The following CXorf66 variants were observed in gnomAD, a reference collection of about 807,000 sequenced individuals.
CXorf66 encodes the protein uncharacterized protein CXorf66.
CXorf66 carries 6 observed loss-of-function variants against 5.0 expected under a neutral mutation model. The ratio of observed to expected loss-of-function variants is 1.20; its 90% CI spans 0.65 to 2.36. The LOEUF (loss-of-function observed/expected upper bound fraction) is 2.36. Among genes scored for constraint, CXorf66 ranks in the 30% most tolerant of loss-of-function variants. The pLI, the probability that CXorf66 is intolerant of heterozygous loss-of-function variation, is 0.00. For missense variants in CXorf66, 270 were observed against 254.9 expected (o/e 1.06, Z -0.40); for synonymous variants, 98 against 102.8 (o/e 0.95, Z 0.28).
chrX:139,960,094 T>C (rs1298365905), intron 1 of CXorf66, among the ~76,000 whole-genome samples: 3 of 110,509 alleles, frequency 2.7e-5, no homozygotes, highest in African/African-American at 9.9e-5. Context: ...TTGACAGAAG[T>C]AGACTTCAGA....
intron 1 of CXorf66, among the ~76,000 whole-genome samples, chrX:139,959,697 C>T (rs1031028262): frequency 2.1e-4 from 24 of 111,715 alleles, no homozygotes; most frequent in Non-Finnish European, 4.3e-4. Context: ...AGGCTAGTGC[C>T]CCTCTGGGAC....
Position 139,955,849 on chromosome X carries a change from G to A in CXorf66, c.*47C>T. 1 of 1,112,774 alleles carries A rather than the reference G, an allele frequency of 9.0e-7. No homozygotes were observed. The highest frequency in any genetic ancestry group is 2.3e-5 in the South Asian group (1 of 44,066). The allele number at this position is 1,112,774 out of a possible 1,213,427, so 91.7% of individuals were successfully genotyped here. ...AAGGGATGATGAGCATAAAATAGTT[G>A]GTATAAGTTTGCTCTTTCACACTTG... On this transcript the variant is annotated 3_prime_UTR_variant, in exon 3 of 3. Transcript: ENST00000370540.
Position 139,956,520 on chromosome X carries a change from CT to C in CXorf66, c.461del (p.Lys154SerfsTer2). 1 of 1,211,697 alleles carries C rather than the reference CT, an allele frequency of 8.3e-7. No individual in the cohort carries two copies. Among genetic ancestry groups the C allele is most frequent in the Non-Finnish European group, 1.1e-6 (1 of 895,533 alleles). On this transcript the variant is annotated frameshift_variant, in exon 3 of 3. Transcript: ENST00000370540. LOFTEE classifies it low-confidence loss of function (END_TRUNC). ...QKPSIPNSAG[K>X]LTRPSYPKRS... is the part of the protein sequence containing the mutation. The stretch of plus-strand genomic sequence containing the variant: ...TTTTTGGATATGATGGCCTAGTTAA[CT>C]TTCCTGCACTGTTTGGTATGGATGG...
chrX:139,959,956 C>T (rs1024053277), intron 1 of CXorf66, among the ~76,000 whole-genome samples: 3 of 111,868 alleles, frequency 2.7e-5, no homozygotes, highest in East Asian at 2.8e-4. Flanking sequence ...GATAAATCCA[C>T]AAAGATGAGG....
At position 139,955,908 on chromosome X, in the gene CXorf66, G is replaced by A. The variant is rs2085570922; in HGVS notation, c.1074C>T (p.Thr358=). Residue 358 remains threonine (T), a synonymous_variant, in exon 3 of 3, where the codon ACC becomes ACT. Transcript: ENST00000370540. ...RGYNQVTSEV[T]LND ...TTTTGTTGAGCTCCTAATCATTTAG[G>A]GTTACTTCAGAGGTGACTTGATTGT... The A allele has an allele frequency of 8.4e-6, 10 of 1,186,379 alleles. No homozygotes were observed. The East Asian group carries it at 2.7e-4, about 32-fold the overall frequency.
At position 139,956,383 on chromosome X, in the gene CXorf66, A is replaced by G. The variant is rs1416514925; in HGVS notation, c.599T>C (p.Leu200Pro). ...KLCKLDYACK[L>P]ASSDKPVRPP... ...CCTGACTGGCTTATCTGAACTGGCT[A>G]GCTTACACGCATAGTCTAGCTTACA... Residue 200 changes from leucine to proline, a missense_variant, in exon 3 of 3, where the codon CTA (leucine) becomes CCA (proline). Transcript: ENST00000370540. 8.3e-7 allele frequency: 1 copy of G among 1,211,881 alleles called. No individual in the cohort carries two copies. The highest frequency in any genetic ancestry group is 1.7e-5 in the African/African-American group (1 of 57,836).
intron 1 of CXorf66, among the ~76,000 whole-genome samples, chrX:139,961,710 T>C (rs1168745866): frequency 8.9e-6 from 1 of 111,928 alleles, no homozygotes; most frequent in African/African-American, 3.2e-5. Flanking sequence ...ACGGAAATCA[T>C]AACGAATGGT....
At chrX:139,963,124 C>G (rs909210654) in intron 1 of CXorf66, among the ~76,000 whole-genome samples, 8 of 111,710 alleles carry the variant, frequency 7.2e-5, no homozygotes, top group African/African-American at 2.6e-4. Flanking sequence ...GTCAAATTGT[C>G]TCTGTTTGCA....
Position 139,956,733 on chromosome X carries a change from C to G in CXorf66, c.249G>C (p.Lys83Asn). 1 of 1,204,493 alleles carries G rather than the reference C, an allele frequency of 8.3e-7. No homozygotes were observed. Residue 83 changes from lysine (K) to asparagine (N), a missense_variant, in exon 3 of 3, where the codon AAG becomes AAC. Coordinates refer to ENST00000370540, the MANE Select transcript of CXorf66 (RefSeq NM_001013403.3). ...ATGACTTGGCTGCTATGCCTTTTTT[C>G]TTGACCCTGAAAGTATAGAAAATTT... ...SDDASKAGMVKKKGIAAKSSK... is the reference protein window; with the variant it reads ...SDDASKAGMVNKKGIAAKSSK...
intron 1 of CXorf66, among the ~76,000 whole-genome samples, chrX:139,963,957 A>C (rs1772131277): frequency 8.9e-6 from 1 of 112,001 alleles, no homozygotes; most frequent in Admixed American, 9.5e-5. Context: ...AACCATAAAA[A>C]CCCTAGAAGA....
chrX:139,956,724 G>A lies in CXorf66; in HGVS notation c.258C>T (p.Gly86=), dbSNP rs1345685740. Residue 86 remains glycine (G), a synonymous_variant, in exon 3 of 3, where the codon GGC becomes GGT. Coordinates refer to ENST00000370540, the MANE Select transcript of CXorf66 (RefSeq NM_001013403.3). ...ASKAGMVKKK[G]IAAKSSKTSF... ...ATGTTTTAGATGACTTGGCTGCTATGCCTTTTTTCTTGACCCTGAAAGTAT... is the reference window on the plus strand; with the variant it reads ...ATGTTTTAGATGACTTGGCTGCTATACCTTTTTTCTTGACCCTGAAAGTAT... 3 of 1,206,130 alleles carry A rather than the reference G, an allele frequency of 2.5e-6. No individual in the cohort carries two copies. The highest frequency in any genetic ancestry group is 3.4e-6 in the Non-Finnish European group (3 of 892,456).
Position 139,956,698 on chromosome X carries a change from G to T in CXorf66, c.284C>A (p.Ser95Ter), listed in dbSNP as rs770042515. 8.3e-7 allele frequency: 1 copy of T among 1,207,909 alleles called. No homozygotes were observed. The highest frequency in any genetic ancestry group is 3.0e-5 in the East Asian group (1 of 33,794). ...KGIAAKSSKT[S>*]FSEAKTASQC... ...AGAGGCTGTCTTGGCTTCACTGAAT[G>T]ATGTTTTAGATGACTTGGCTGCTAT... The change falls in exon 3 of 3, where the codon TCA (serine) becomes TAA (stop). Residue 95 changes from serine to a stop codon, truncating the protein, a stop_gained. Coordinates refer to ENST00000370540, the MANE Select transcript of CXorf66 (RefSeq NM_001013403.3). LOFTEE classifies it low-confidence loss of function (END_TRUNC).
intron 1 of CXorf66, among the ~76,000 whole-genome samples, chrX:139,963,468 G>T (rs62609113): frequency 1.8e-5 from 2 of 111,241 alleles, no homozygotes; most frequent in East Asian, 5.8e-4. Context: ...AATCAATATC[G>T]TGAAAATGGC....
chrX:139,963,581 C>G (rs1255748972), intron 1 of CXorf66, among the ~76,000 whole-genome samples: 1 of 111,553 alleles, frequency 9.0e-6, no homozygotes, highest in Non-Finnish European at 1.9e-5. Context: ...TCATATGGAA[C>G]CAAAAAAGAG....
chrX:139,960,286 G>A (rs1192846801), intron 1 of CXorf66, among the ~76,000 whole-genome samples: 2 of 108,399 alleles, frequency 1.8e-5, no homozygotes, highest in Non-Finnish European at 3.8e-5. Context: ...GCATATACAA[G>A]TATCAATAGA....
Position 139,956,133 on chromosome X carries a change from G to C in CXorf66, c.849C>G (p.Val283=). Residue 283 remains valine (V), a synonymous_variant, in exon 3 of 3, where the codon GTC becomes GTG. Transcript: ENST00000370540. ...HLVAKTYRPL[V]NDISEAKEKN... is the part of the protein sequence containing the mutation. ...TCTCCTTTGCCTCAGAAATATCATT[G>C]ACCAAAGGCCTATAAGTTTTGGCAA... 1 of 1,211,480 alleles carries C rather than the reference G, an allele frequency of 8.3e-7. No individual in the cohort carries two copies. The highest frequency in any genetic ancestry group is 1.7e-5 in the African/African-American group (1 of 57,777).
rs941141819 is a variant in CXorf66, at chrX:139,955,970, T to C, written c.1012A>G (p.Ser338Gly). ...DTMKYYSEVDSDKVIIITCDR... is the reference protein window; with the variant it reads ...DTMKYYSEVDGDKVIIITCDR... ...CACGTAATGATTATAACTTTATCAC[T>C]GTCAACCTCACTATAATATTTCATC... Residue 338 changes from serine to glycine, a missense_variant, in exon 3 of 3, where the codon AGT (serine) becomes GGT (glycine). Ser to Gly is a moderately conservative substitution (Grantham distance 56, BLOSUM62 0). Coordinates refer to ENST00000370540, the MANE Select transcript of CXorf66 (RefSeq NM_001013403.3). The C allele has an allele frequency of 8.3e-7, 1 of 1,206,492 alleles. No individual in the cohort carries two copies. The highest frequency in any genetic ancestry group is 1.1e-6 in the Non-Finnish European group (1 of 892,378).
rs767418485 is a variant in CXorf66 at position 139,958,079 on chromosome X, G to A, written c.227C>T (p.Ala76Val). ...YLHYNCLSDD[A>V]SKAGMVKKKG... ...TAAAACTTACATTCCTGCTTTGGAC[G>A]CATCATCGCTCAGACAATTATAATG... Residue 76 changes from alanine to valine, a missense_variant, in exon 2 of 3, where the codon GCG becomes GTG. Ala to Val is a moderately conservative substitution (Grantham distance 64, BLOSUM62 0). Coordinates refer to ENST00000370540, the MANE Select transcript of CXorf66 (RefSeq NM_001013403.3). 24 of 1,197,089 alleles carry A rather than the reference G, an allele frequency of 2.0e-5. No individual in the cohort carries two copies. In the East Asian group the frequency reaches 2.7e-4, roughly 13 times the overall value.
At position 139,956,412 on chromosome X, in the gene CXorf66, T is replaced by A. The variant is rs1252708663; in HGVS notation, c.570A>T (p.Lys190Asn). The A allele has an allele frequency of 8.3e-7, 1 of 1,210,288 alleles. No individual in the cohort carries two copies. The highest frequency in any genetic ancestry group is 1.1e-6 in the Non-Finnish European group (1 of 895,344). Residue 190 changes from lysine to asparagine, a missense_variant, in exon 3 of 3, where the codon AAA becomes AAT. Lys to Asn is a moderately conservative substitution (Grantham distance 94). Coordinates refer to ENST00000370540, the MANE Select transcript of CXorf66 (RefSeq NM_001013403.3). ...EKAHKKGSLEKLCKLDYACKL... is the reference protein window; with the variant it reads ...EKAHKKGSLENLCKLDYACKL... The stretch of plus-strand genomic sequence containing the variant: ...TACACGCATAGTCTAGCTTACATAA[T>A]TTTTCTAGGCTGCCTTTCTTATGTG...
Sources: allele counts gnomAD v4.1 joint callset (sites outside exome capture counted in the v4.1 genomes callset), GRCh38; gene constraint gnomAD v4.1.1; transcripts MANE v1.5; gene names NCBI Gene and HGNC (gene_info 2026-07-23, HGNC 2026-07-21).